MEI4: variants seen among roughly 807,000 people sequenced by gnomAD.
MEI4 encodes the protein meiotic double-stranded break formation protein 4.
MEI4 carries 27 observed loss-of-function variants against 31.4 expected under a neutral mutation model. That is an observed-to-expected ratio of 0.86 (90% CI 0.63 to 1.19). MEI4 has a LOEUF of 1.19. Ranked by LOEUF, MEI4 falls within the 50% of genes most tolerant of loss-of-function variation. The pLI, the probability that MEI4 is intolerant of heterozygous loss-of-function variation, is 0.00. For synonymous variants in MEI4, 122 were observed against 145.4 expected (o/e 0.84, Z 1.16); for missense variants, 329 against 398.9 (o/e 0.82, Z 1.49).
intron 4 of MEI4, among the ~76,000 whole-genome samples, chr6:77,907,848 G>C (rs554196829): frequency 6.6e-6 from 1 of 152,106 alleles, no homozygotes; most frequent in South Asian, 2.1e-4. Flanking sequence ...ATTCTCATTG[G>C]TATGAGATGG....
At chr6:77,849,751 A>G (rs1320712753) in intron 4 of MEI4, among the ~76,000 whole-genome samples, 1 of 152,188 alleles carries the variant, frequency 6.6e-6, no homozygotes, top group African/African-American at 2.4e-5. Context: ...CAAAGTAGCA[A>G]CTTAGTGTGA....
chr6:77,669,019 A>T (rs1768688205), intron 1 of MEI4, among the ~76,000 whole-genome samples: 2 of 152,204 alleles, frequency 1.3e-5, no homozygotes, highest in South Asian at 4.1e-4. Context: ...ACTTTCCATC[A>T]TCTAGAAGCA....
chr6:77,907,068 CTT>C lies in MEI4; in HGVS notation c.901-16019_901-16018del, dbSNP rs1348258199. Reference sequence around the variant, plus strand: ...TTTTAAGGTATGGTTAAACTGAAAACTTTATTTTGAAATAGCAAGATTTTTTT... The same window carrying C: ...TTTTAAGGTATGGTTAAACTGAAAACTATTTTGAAATAGCAAGATTTTTTT... On this transcript the variant is annotated intron_variant, in intron 4 of 4. Coordinates refer to ENST00000684080, the MANE Select transcript of MEI4 (RefSeq NM_001322247.2). 2.6e-5 allele frequency among the ~76,000 whole-genome samples: 4 copies of C among 151,174 alleles called. No homozygotes were observed. The South Asian group carries it at 8.3e-4, about 31-fold the overall frequency.
intron 3 of MEI4, among the ~76,000 whole-genome samples, chr6:77,808,727 G>T (rs1284682742): frequency 6.6e-6 from 1 of 152,138 alleles, no homozygotes; most frequent in Non-Finnish European, 1.5e-5. Context: ...GTAATGTGAA[G>T]GATATTTATT....
chr6:77,868,499 CTA>C (rs1771108203), intron 4 of MEI4, among the ~76,000 whole-genome samples: 1 of 61,770 alleles, frequency 1.6e-5, no homozygotes, highest in Non-Finnish European at 3.2e-5. Flanking sequence ...GTAAAAAATA[CTA>C]CATATATATA....
At chr6:77,753,044 G>T (rs577521755) in intron 2 of MEI4, among the ~76,000 whole-genome samples, 178 of 152,198 alleles carry the variant, frequency 1.2e-3, no homozygotes, top group Non-Finnish European at 2.1e-3. Context: ...AAACTGGCTA[G>T]CCATATGCAG....
chr6:77,746,490 A>G (rs1241023626), intron 2 of MEI4, among the ~76,000 whole-genome samples: 1 of 152,108 alleles, frequency 6.6e-6, no homozygotes, highest in Non-Finnish European at 1.5e-5. Flanking sequence ...AAACTGCAAC[A>G]TCAGCTCTTG....
At chr6:77,768,289 G>A (rs1312735264) in intron 3 of MEI4, among the ~76,000 whole-genome samples, 1 of 151,990 alleles carries the variant, frequency 6.6e-6, no homozygotes, top group African/African-American at 2.4e-5. Context: ...TTTTGTTAAT[G>A]GGTTAAAGAA....
chr6:77,713,095 A>G (rs1766503608), intron 2 of MEI4, among the ~76,000 whole-genome samples: 2 of 152,184 alleles, frequency 1.3e-5, no homozygotes, highest in Admixed American at 1.3e-4. Flanking sequence ...TTTTAGAGTC[A>G]GAAGAATCTG....
At chr6:77,766,655 G>T (rs1178073166) in intron 3 of MEI4, among the ~76,000 whole-genome samples, 1 of 151,898 alleles carries the variant, frequency 6.6e-6, no homozygotes, top group Admixed American at 6.6e-5. Context: ...CTCGTGATCC[G>T]CCCACCTCGG....
At chr6:77,909,438 A>C (rs1008741266) in intron 4 of MEI4, among the ~76,000 whole-genome samples, 31 of 152,220 alleles carry the variant, frequency 2.0e-4, no homozygotes, top group African/African-American at 7.5e-4. Context: ...ACCTCTATGC[A>C]AATAAACTAG....
At chr6:77,751,733 A>G (rs1244921623) in intron 2 of MEI4, among the ~76,000 whole-genome samples, 10 of 152,196 alleles carry the variant, frequency 6.6e-5, no homozygotes, top group Admixed American at 6.5e-4. Context: ...TCCAAACAAT[A>G]GAAAAACAGG....
chr6:77,798,181 CAACAGGTAAATATA>C (rs1197154426), intron 3 of MEI4, among the ~76,000 whole-genome samples: 1 of 150,738 alleles, frequency 6.6e-6, no homozygotes, highest in Non-Finnish European at 1.5e-5. Context: ...ACTAAAAAAT[CAACAGGTAAATATA>C]AAATGTATAC....
At chr6:77,918,429 C>T (rs1766618302) in intron 4 of MEI4, among the ~76,000 whole-genome samples, 1 of 134,382 alleles carries the variant, frequency 7.4e-6, no homozygotes, top group Non-Finnish European at 1.6e-5. Context: ...TTGTTTGTAT[C>T]CTCTTTTATT....
intron 2 of MEI4, among the ~76,000 whole-genome samples, chr6:77,744,817 A>G (rs909579068): frequency 6.6e-6 from 1 of 152,202 alleles, no homozygotes; most frequent in Admixed American, 6.5e-5. Flanking sequence ...CCAATATTCA[A>G]CATTCTTAAA....
chr6:77,665,897 G>A (rs1768621866), intron 1 of MEI4, among the ~76,000 whole-genome samples: 1 of 152,152 alleles, frequency 6.6e-6, no homozygotes, highest in Admixed American at 6.5e-5. Context: ...TCGGTGTGAG[G>A]ACCTGAGGTC....
At chr6:77,807,077 T>C (rs1019071858) in intron 3 of MEI4, among the ~76,000 whole-genome samples, 8 of 152,138 alleles carry the variant, frequency 5.3e-5, no homozygotes, top group Admixed American at 4.6e-4. Context: ...GAAAACTAGC[T>C]TTGGCAGCCC....
chr6:77,762,132 T>C lies in MEI4; in HGVS notation c.768+467T>C, dbSNP rs138142989. On this transcript the variant is annotated intron_variant, in intron 3 of 4. Transcript: ENST00000684080. ...CATTGACTAGCAAATGCCTTGGGGT[T>C]GAAGAATATTTTTCTCTTCTTTTGG... Among the ~76,000 whole-genome samples the C allele has an allele frequency of 1.4e-3, 213 of 152,364 alleles. 1 individual carries two copies. Among genetic ancestry groups the C allele is most frequent in the African/African-American group, 4.5e-3 (187 of 41,584 alleles).
In MEI4 at chr6:77,868,502, C is replaced by CATATATATATATATATATATAT. The variant is rs58946198; in HGVS notation, c.900+39445_900+39466dup. ...AAAAACTTCCATGTAAAAAATACTA[C>CATATATATATATATATATATAT]ATATATATATATATATATATATATA... On this transcript the variant is annotated intron_variant, in intron 4 of 4. Coordinates refer to ENST00000684080, the MANE Select transcript of MEI4 (RefSeq NM_001322247.2). Among the ~76,000 whole-genome samples, 821 of 89,834 alleles carry CATATATATATATATATATATAT rather than the reference C, an allele frequency of 9.1e-3. 40 individuals carry two copies. The highest frequency in any genetic ancestry group is 0.013 in the Non-Finnish European group (572 of 43,580). 58.9% of individuals were successfully genotyped at this position (89,834 alleles called of 152,430 possible).
Sources: gnomAD v4.1 joint callset for allele counts (sites outside exome capture counted in the v4.1 genomes callset) on GRCh38, gnomAD v4.1.1 for gene constraint, MANE v1.5 for transcripts, NCBI Gene and HGNC (gene_info 2026-07-23, HGNC 2026-07-21) for gene names.